Variants in LMOD1 observed in about 807,000 individuals in gnomAD.
LMOD1 encodes the protein leiomodin 1.
LMOD1 carries 8 observed loss-of-function variants against 36.5 expected under a neutral mutation model. That is an observed-to-expected ratio of 0.22 (90% CI 0.13 to 0.40). The LOEUF is 0.40. Ranked by LOEUF, LMOD1 falls within the 10% of genes least tolerant of loss-of-function variation. The probability of loss-of-function intolerance (pLI) is 1.00; values close to 1 mark genes in which losing one functional copy is unlikely to be tolerated. For missense variants in LMOD1, 630 were observed against 751.1 expected (o/e 0.84, Z 1.88); for synonymous variants, 284 against 288.7 (o/e 0.98, Z 0.17).
chr1:201,916,576 C>CAAAA (rs59474075), intron 1 of LMOD1, among the ~76,000 whole-genome samples: 43,553 of 151,788 alleles, frequency 0.29, 6,534 homozygotes, highest in Non-Finnish European at 0.34. Flanking sequence ...GAAAAAGAAA[C>CAAAA]AAAATTGTCT....
At chr1:201,928,000 G>T (rs563890775) in intron 1 of LMOD1, among the ~76,000 whole-genome samples, 52 of 152,142 alleles carry the variant, frequency 3.4e-4, no homozygotes, top group South Asian at 2.1e-4. Context: ...ATGGATTAAT[G>T]CCATTATCAT....
At chr1:201,913,295 T>C (rs1377981010) in intron 1 of LMOD1, among the ~76,000 whole-genome samples, 2 of 152,166 alleles carry the variant, frequency 1.3e-5, no homozygotes, top group Non-Finnish European at 2.9e-5. Flanking sequence ...GGCTTTTCCT[T>C]GGATCACCAC....
At chr1:201,907,596 A>G (rs1018492158) in intron 1 of LMOD1, among the ~76,000 whole-genome samples, 17 of 152,234 alleles carry the variant, frequency 1.1e-4, no homozygotes, top group African/African-American at 4.1e-4. Flanking sequence ...CTGGAGGGCT[A>G]CAAGCTGGGA....
chr1:201,928,809 G>A (rs1045103094), intron 1 of LMOD1, among the ~76,000 whole-genome samples: 4 of 151,952 alleles, frequency 2.6e-5, no homozygotes, highest in African/African-American at 4.8e-5. Context: ...TCTGCCTCCC[G>A]GGTTCAAACA....
Position 201,898,231 on chromosome 1 carries a change from C to A in LMOD1, c.*141G>T. 1.2e-6 allele frequency: 1 copy of A among 812,492 alleles called. No homozygotes were observed. 50.3% of individuals were successfully genotyped at this position (812,492 alleles called of 1,614,324 possible). A position where few individuals can be genotyped will look rare whatever the true frequency, so the allele number is the denominator to read the frequency against. On this transcript the variant is annotated 3_prime_UTR_variant, in exon 3 of 3. Transcript: ENST00000367288. ...ATAAGGCATCCTTCCTTGAGCGTGA[C>A]CCAGGCCTGGACTCTCCCATGGCAG...
intron 1 of LMOD1, among the ~76,000 whole-genome samples, chr1:201,920,607 A>G (rs995852433): frequency 1.3e-5 from 2 of 152,198 alleles, no homozygotes; most frequent in Non-Finnish European, 2.9e-5. Context: ...GGGTCTGGAT[A>G]TTCTACTGGA....
At chr1:201,930,233 T>C (rs1261574678) in intron 1 of LMOD1, among the ~76,000 whole-genome samples, 1 of 152,126 alleles carries the variant, frequency 6.6e-6, no homozygotes, top group African/African-American at 2.4e-5. Flanking sequence ...AATTGAAGGC[T>C]TTTACACAGG....
At chr1:201,934,391 A>G (rs189989441) in intron 1 of LMOD1, among the ~76,000 whole-genome samples, 1 of 152,258 alleles carries the variant, frequency 6.6e-6, no homozygotes, top group African/African-American at 2.4e-5. Flanking sequence ...ATCTTGGCCC[A>G]TCTCTGCTGC....
rs1445472750 is a variant in LMOD1, at chr1:201,900,119, G to T, written c.894C>A (p.Gly298=). 1.9e-6 allele frequency: 3 copies of T among 1,613,786 alleles called. No individual in the cohort carries two copies. In the African/African-American group the frequency reaches 4.0e-5, roughly 22 times the overall value. ...TKTPEKQTPS[G]PTKPSEGPAK... ...CCGGTCCTTCAGAGGGCTTGGTGGG[G>T]CCACTGGGCGTCTGTTTCTCGGGTG... Residue 298 remains glycine (G), a synonymous_variant, in exon 2 of 3, where the codon GGC becomes GGA. Coordinates refer to ENST00000367288, the MANE Select transcript of LMOD1 (RefSeq NM_012134.3).
At chr1:201,937,869 C>T (rs1028619779) in intron 1 of LMOD1, among the ~76,000 whole-genome samples, 1 of 152,164 alleles carries the variant, frequency 6.6e-6, no homozygotes, top group Non-Finnish European at 1.5e-5. Flanking sequence ...ATAATAGGAA[C>T]TCATTAAAGA....
At position 201,946,317 on chromosome 1, in the gene LMOD1, G is replaced by T; in HGVS notation, c.24C>A (p.Arg8=). Residue 8 remains arginine, a synonymous_variant, in exon 1 of 3, where the codon CGC becomes CGA. Coordinates refer to ENST00000367288, the MANE Select transcript of LMOD1 (RefSeq NM_012134.3). ...TGTCGGGGTCTTCACTCACCTGCCG[G>T]CGATATTTGGCTACTCTAGACATCT... MSRVAKY[R]RQVSEDPDID... 1 of 1,613,964 alleles carries T rather than the reference G, an allele frequency of 6.2e-7. No homozygotes were observed. The highest frequency in any genetic ancestry group is 8.5e-7 in the Non-Finnish European group (1 of 1,179,876).
At chr1:201,906,445 C>T (rs1326831076) in intron 1 of LMOD1, among the ~76,000 whole-genome samples, 2 of 152,178 alleles carry the variant, frequency 1.3e-5, no homozygotes, top group African/African-American at 4.8e-5. Context: ...CCCACTCCCT[C>T]CAGCCACCTA....
At chr1:201,932,033 C>A (rs187863407) in intron 1 of LMOD1, among the ~76,000 whole-genome samples, 3 of 152,252 alleles carry the variant, frequency 2.0e-5, no homozygotes, top group Admixed American at 2.0e-4. Context: ...CAATATAGTG[C>A]TATCTGAGGC....
chr1:201,925,849 C>T lies in LMOD1; in HGVS notation c.261+20231G>A, dbSNP rs150321891. ...TTTCCCAAGTAGCTGGAACCACAGGCGTGCACCACCATTCCTGGCTAATTT... is the reference window on the plus strand; with the variant it reads ...TTTCCCAAGTAGCTGGAACCACAGGTGTGCACCACCATTCCTGGCTAATTT... On this transcript the variant is annotated intron_variant, in intron 1 of 2. Coordinates refer to ENST00000367288, the MANE Select transcript of LMOD1 (RefSeq NM_012134.3). Among the ~76,000 whole-genome samples, 32 of 152,026 alleles carry T rather than the reference C, an allele frequency of 2.1e-4. No homozygotes were observed. The East Asian group carries it at 5.0e-3, about 24-fold the overall frequency.
chr1:201,923,275 C>A (rs947655881), intron 1 of LMOD1, among the ~76,000 whole-genome samples: 1 of 152,124 alleles, frequency 6.6e-6, no homozygotes, highest in African/African-American at 2.4e-5. Flanking sequence ...CTGAGCAACA[C>A]CCATCCTGGA....
intron 1 of LMOD1, among the ~76,000 whole-genome samples, chr1:201,927,279 A>G (rs1036880146): frequency 3.3e-5 from 5 of 152,116 alleles, no homozygotes; most frequent in African/African-American, 1.2e-4. Context: ...TTTCTTGGTG[A>G]TTTAAAAATT....
At chr1:201,922,413 A>G (rs1244994354) in intron 1 of LMOD1, among the ~76,000 whole-genome samples, 1 of 152,238 alleles carries the variant, frequency 6.6e-6, no homozygotes, top group East Asian at 1.9e-4. Flanking sequence ...AGCCATTAAA[A>G]GGAATAAAGT....
intron 1 of LMOD1, among the ~76,000 whole-genome samples, chr1:201,938,190 C>T (rs1380776018): frequency 6.7e-6 from 1 of 149,836 alleles, no homozygotes; most frequent in African/African-American, 2.5e-5. Context: ...AGTGCAATGG[C>T]ACCATCTCAG....
intron 1 of LMOD1, among the ~76,000 whole-genome samples, chr1:201,914,811 A>G (rs1331422601): frequency 8.8e-6 from 1 of 113,632 alleles, no homozygotes; most frequent in African/African-American, 3.5e-5. Flanking sequence ...ACCCTCTTCC[A>G]CAGCCTTAGC....
Sources: allele counts gnomAD v4.1 joint callset (sites outside exome capture counted in the v4.1 genomes callset), GRCh38; gene constraint gnomAD v4.1.1; transcripts MANE v1.5; gene names NCBI Gene and HGNC (gene_info 2026-07-23, HGNC 2026-07-21).